Variants in CHN2 observed in about 807,000 individuals in gnomAD.
The protein encoded by CHN2 is beta-chimaerin.
CHN2 carries 35 observed loss-of-function variants against 56.3 expected under a neutral mutation model. That is an observed-to-expected ratio of 0.62 (90% CI 0.47 to 0.82). The LOEUF is 0.82. CHN2 is among the 40% of genes least tolerant of loss of function. The pLI, the probability that CHN2 is intolerant of heterozygous loss-of-function variation, is 0.00. For synonymous variants in CHN2, 210 were observed against 212.8 expected, an observed-to-expected ratio of 0.99 and a Z score of 0.12; for missense variants, 491 against 580.5, an observed-to-expected ratio of 0.85 and a Z score of 1.58.
rs562822491 is a variant in CHN2 at position 29,238,201 on chromosome 7, G to A, written c.49+43211G>A. Among the ~76,000 whole-genome samples, 44 of 151,928 alleles carry A rather than the reference G, an allele frequency of 2.9e-4. No individual in the cohort carries two copies. The East Asian group carries it at 7.6e-3, about 26-fold the overall frequency. ...CCCGGCTAATATTTTTGTATTTTTA[G>A]TAAAGATGGGGTTTCACTGTGTTAG... On this transcript the variant is annotated intron_variant, in intron 1 of 12. Transcript: ENST00000222792.
intron 6 of CHN2, among the ~76,000 whole-genome samples, chr7:29,461,816 T>TTGGATGGATGGATGGA (rs5883212): frequency 7.0e-6 from 1 of 143,866 alleles, no homozygotes; most frequent in Middle Eastern, 3.2e-3. Context: ...GGTTGGTTCA[T>TTGGATGGATGGATGGA]TGGATGGATG....
At chr7:29,431,141 A>C (rs1782833476) in intron 6 of CHN2, among the ~76,000 whole-genome samples, 1 of 152,154 alleles carries the variant, frequency 6.6e-6, no homozygotes, top group South Asian at 2.1e-4. Flanking sequence ...GCAACTGTCC[A>C]ATTAAAACGC....
At chr7:29,321,006 T>G (rs930647706) in intron 1 of CHN2, among the ~76,000 whole-genome samples, 1 of 152,226 alleles carries the variant, frequency 6.6e-6, no homozygotes, top group East Asian at 1.9e-4. Flanking sequence ...TAAAGTGGCT[T>G]CTTTTAAAAC....
At chr7:29,470,711 A>G (rs956568526) in intron 6 of CHN2, among the ~76,000 whole-genome samples, 5 of 152,212 alleles carry the variant, frequency 3.3e-5, no homozygotes, top group African/African-American at 1.2e-4. Flanking sequence ...AAGAAAATGC[A>G]ATTTGACAAA....
chr7:29,507,906 A>G (rs1484840597), intron 11 of CHN2, among the ~76,000 whole-genome samples: 1 of 152,192 alleles, frequency 6.6e-6, no homozygotes, highest in Non-Finnish European at 1.5e-5. Flanking sequence ...TGTGCGGCCC[A>G]TAGGCTGCGG....
chr7:29,511,338 C>T (rs771420452), intron 12 of CHN2, among the ~76,000 whole-genome samples: 4 of 152,162 alleles, frequency 2.6e-5, no homozygotes, highest in South Asian at 2.1e-4. Flanking sequence ...CTATGGGTAT[C>T]ACATCTGGCT....
chr7:29,394,521 AC>A (rs1412836489), intron 4 of CHN2, among the ~76,000 whole-genome samples: 2 of 151,966 alleles, frequency 1.3e-5, no homozygotes, highest in Non-Finnish European at 2.9e-5. Flanking sequence ...ATGATTAATG[AC>A]CCTCTTAGGG....
intron 1 of CHN2, among the ~76,000 whole-genome samples, chr7:29,329,705 T>C (rs971786031): frequency 6.6e-6 from 1 of 152,242 alleles, no homozygotes; most frequent in Admixed American, 6.5e-5. Context: ...AAGAAATAAG[T>C]GCATTTTTAT....
intron 6 of CHN2, among the ~76,000 whole-genome samples, chr7:29,424,356 A>G (rs1468524626): frequency 6.6e-6 from 1 of 152,100 alleles, no homozygotes; most frequent in Non-Finnish European, 1.5e-5. Context: ...TTTTTTTTAA[A>G]TAGGAATTTG....
intron 3 of CHN2, 63 bp from the exon 4 acceptor site, chr7:29,393,616 G>T: frequency 1.4e-6 from 1 of 733,686 alleles, no homozygotes; most frequent in Non-Finnish European, 2.1e-6. Context: ...TATTTGAATA[G>T]CATTTTTATC....
chr7:29,371,926 A>T (rs1460721085), intron 3 of CHN2, among the ~76,000 whole-genome samples: 1 of 152,094 alleles, frequency 6.6e-6, no homozygotes, highest in Non-Finnish European at 1.5e-5. Flanking sequence ...ATTGCAGGTA[A>T]AGAGCCTCCC....
At position 29,321,847 on chromosome 7, in the gene CHN2, G is replaced by A. The variant is rs556113118; in HGVS notation, c.50-32778G>A. Among the ~76,000 whole-genome samples, 4 of 152,226 alleles carry A rather than the reference G, an allele frequency of 2.6e-5. No individual in the cohort carries two copies. In the South Asian group the frequency reaches 6.2e-4, roughly 24 times the overall value. On this transcript the variant is annotated intron_variant, in intron 1 of 12. Transcript: ENST00000222792. ...AGCCTCCCAAAGTGCTGGGATACAG[G>A]CGTGAGCCACCGCGCCCAGCCAAAC...
chr7:29,204,614 C>A (rs245924), intron 1 of CHN2, among the ~76,000 whole-genome samples: 18,689 of 151,972 alleles, frequency 0.12, 1,212 homozygotes, highest in African/African-American at 0.14. Context: ...TGGTTGGGGT[C>A]CTGGTTAGCT....
At chr7:29,173,183 A>T (rs1289802959) in intron 2 of CHN2, among the ~76,000 whole-genome samples, 1 of 152,116 alleles carries the variant, frequency 6.6e-6, no homozygotes, top group East Asian at 1.9e-4. Flanking sequence ...ACATTTTTAA[A>T]AATGCACACC....
At chr7:29,279,551 G>A (rs1791512679) in intron 1 of CHN2, among the ~76,000 whole-genome samples, 1 of 152,232 alleles carries the variant, frequency 6.6e-6, no homozygotes, top group African/African-American at 2.4e-5. Context: ...GGTTTCAGAG[G>A]TGCTGTAATA....
intron 1 of CHN2, among the ~76,000 whole-genome samples, chr7:29,228,078 G>T (rs1314597995): frequency 6.6e-6 from 1 of 151,452 alleles, no homozygotes; most frequent in Non-Finnish European, 1.5e-5. Flanking sequence ...TTAAAATCCA[G>T]ATATCTACAA....
intron 2 of CHN2, among the ~76,000 whole-genome samples, chr7:29,173,453 C>A (rs1796874082): frequency 6.6e-6 from 1 of 151,934 alleles, no homozygotes. Flanking sequence ...AGAATGTCAC[C>A]CCCATCCTAA....
intron 1 of CHN2, among the ~76,000 whole-genome samples, chr7:29,195,623 AGAGAGAGTGTGT>A (rs1471090690): frequency 2.3e-3 from 299 of 128,174 alleles, no homozygotes; most frequent in African/African-American, 9.4e-3. Flanking sequence ...AGAGAGAGAG[AGAGAGAGTGTGT>A]GTGTGTGTGT....
At chr7:29,265,261 C>T (rs1294834382) in intron 1 of CHN2, among the ~76,000 whole-genome samples, 1 of 152,196 alleles carries the variant, frequency 6.6e-6, no homozygotes, top group Non-Finnish European at 1.5e-5. Context: ...GCAGTCTCCC[C>T]ATTTCCTCAG....
Sources: allele counts gnomAD v4.1 joint callset (sites outside exome capture counted in the v4.1 genomes callset), GRCh38; gene constraint gnomAD v4.1.1; transcripts MANE v1.5; gene names NCBI Gene and HGNC (gene_info 2026-07-23, HGNC 2026-07-21).